SAMD5: variants seen among roughly 807,000 people sequenced by gnomAD.
SAMD5 encodes sterile alpha motif domain-containing protein 5.
SAMD5 carries 13 observed loss-of-function variants against 11.3 expected under a neutral mutation model. The ratio of observed to expected loss-of-function variants is 1.15; its 90% CI spans 0.75 to 1.83. The LOEUF (loss-of-function observed/expected upper bound fraction) is 1.83, where lower values mean the gene tolerates loss of function less well. Among genes scored for constraint, SAMD5 ranks in the 40% most tolerant of loss-of-function variants. The pLI, the probability that SAMD5 is intolerant of heterozygous loss-of-function variation, is 0.00. For missense variants in SAMD5, 255 were observed against 239.1 expected (o/e 1.07, Z -0.44); for synonymous variants, 129 against 111.3 (o/e 1.16, Z -1.00).
At chr6:147,623,536 C>G (rs1790003524) in intron 1 of SAMD5, among the ~76,000 whole-genome samples, 1 of 152,196 alleles carries the variant, frequency 6.6e-6, no homozygotes. Flanking sequence ...ACTGAGTAAT[C>G]TGATATTATC....
chr6:147,932,066 T>G, the SAMD5 span, among the ~76,000 whole-genome samples: 2 of 152,228 alleles, frequency 1.3e-5, no homozygotes, highest in Admixed American at 6.5e-5. Flanking sequence ...TATAATAGCA[T>G]TAAATTAGTC....
the SAMD5 span, among the ~76,000 whole-genome samples, chr6:147,793,591 G>C: frequency 5.5e-3 from 838 of 152,126 alleles, 13 homozygotes; most frequent in African/African-American, 0.019. Flanking sequence ...CAAACAACTG[G>C]GTATTATTTT....
the SAMD5 span, among the ~76,000 whole-genome samples, chr6:147,822,952 T>A: frequency 1.3e-5 from 2 of 151,722 alleles, 1 homozygote; most frequent in South Asian, 4.2e-4. Flanking sequence ...GAAGCTGGGA[T>A]TACAGGTGCC....
intron 1 of SAMD5, among the ~76,000 whole-genome samples, chr6:147,604,511 T>C (rs1212760395): frequency 6.6e-6 from 1 of 152,156 alleles, no homozygotes; most frequent in Non-Finnish European, 1.5e-5. Context: ...GTTGGCAGAA[T>C]TGGGGAGTTT....
the SAMD5 span, among the ~76,000 whole-genome samples, chr6:147,773,571 G>A: frequency 2.0e-5 from 3 of 152,204 alleles, no homozygotes; most frequent in Non-Finnish European, 2.9e-5. Flanking sequence ...CCTGCTTCCT[G>A]ATATGCAGAT....
At chr6:147,777,136 T>C in the SAMD5 span, among the ~76,000 whole-genome samples, 1 of 152,104 alleles carries the variant, frequency 6.6e-6, no homozygotes, top group African/African-American at 2.4e-5. Flanking sequence ...ATGGTGTCTG[T>C]GCTAAGTATT....
At chr6:147,810,997 C>T in the SAMD5 span, among the ~76,000 whole-genome samples, 24 of 152,138 alleles carry the variant, frequency 1.6e-4, no homozygotes, top group Non-Finnish European at 3.2e-4. Context: ...GAAGAAATGA[C>T]AAGGTGCTAT....
rs1789098156 is a variant in SAMD5, at chr6:147,569,296, T to TTTTTTTTTTTTTTTTTTTTTTTTTTG, written c.*4840_*4841insTTTTTTTTTTTTTTTTTTTTTTTTTG. Reference sequence around the variant, plus strand: ...TCTACTTATGAAATAGATAATTTTTTAAAATTGTTTAAACTCCTGGAAATT... The same window carrying TTTTTTTTTTTTTTTTTTTTTTTTTTG: ...TCTACTTATGAAATAGATAATTTTTTTTTTTTTTTTTTTTTTTTTTTTTTTGAAAATTGTTTAAACTCCTGGAAATT... On this transcript the variant is annotated 3_prime_UTR_variant, in exon 2 of 2. Coordinates refer to ENST00000367474, the MANE Select transcript of SAMD5 (RefSeq NM_001030060.3). The TTTTTTTTTTTTTTTTTTTTTTTTTTG allele has an allele frequency of 2.3e-6, 1 of 437,004 alleles. No individual in the cohort carries two copies. The highest frequency in any genetic ancestry group is 2.1e-5 in the African/African-American group (1 of 46,850). 27.1% of individuals were successfully genotyped at this position (437,004 alleles called of 1,614,324 possible). A position where few individuals can be genotyped will look rare whatever the true frequency, so the allele number is the denominator to read the frequency against.
rs376041894 is a variant in SAMD5 at position 147,509,308 on chromosome 6, A to C, written c.380A>C (p.Lys127Thr). Residue 127 changes from lysine (K) to threonine (T), a missense_variant, in exon 1 of 2, where the codon AAA becomes ACA. Lys to Thr is a moderately conservative substitution (Grantham distance 78). Transcript: ENST00000367474. ...PRSRELVSYP[K>T]LKLKIMIRDK... Reference sequence around the variant, plus strand: ...AGCAGGGAGCTGGTGAGCTACCCCAAACTGAAGCTGAAGATCATGATCAGG... The same window carrying C: ...AGCAGGGAGCTGGTGAGCTACCCCACACTGAAGCTGAAGATCATGATCAGG... The C allele has an allele frequency of 1.9e-6, 3 of 1,579,164 alleles. No homozygotes were observed. Among genetic ancestry groups the C allele is most frequent in the Admixed American group, 3.6e-5 (2 of 55,808 alleles).
downstream of SAMD5, among the ~76,000 whole-genome samples, chr6:147,574,367 A>G (rs968359770): frequency 6.6e-6 from 1 of 152,172 alleles, no homozygotes; most frequent in Non-Finnish European, 1.5e-5. Flanking sequence ...AGAAAGTTAG[A>G]ATTGGAATCT....
At chr6:147,660,874 T>C (rs1204680580) in intron 1 of SAMD5, 1 of 152,220 alleles carries the variant, frequency 6.6e-6, no homozygotes, top group Non-Finnish European at 1.5e-5. Context: ...GATAGTTCTA[T>C]ATAGCAGTGC....
At chr6:147,878,370 A>C in the SAMD5 span, among the ~76,000 whole-genome samples, 4 of 151,696 alleles carry the variant, frequency 2.6e-5, no homozygotes, top group Non-Finnish European at 4.4e-5. Context: ...TTACCCCTCT[A>C]ATCCCATTCA....
the SAMD5 span, among the ~76,000 whole-genome samples, chr6:147,801,886 CTA>C: frequency 3.9e-5 from 6 of 152,122 alleles, no homozygotes; most frequent in Non-Finnish European, 8.8e-5. Flanking sequence ...ACCTTGACCC[CTA>C]TTTCACACTG....
intron 1 of SAMD5, among the ~76,000 whole-genome samples, chr6:147,686,631 A>G (rs1333617574): frequency 1.3e-5 from 2 of 151,302 alleles, no homozygotes; most frequent in South Asian, 2.1e-4. Flanking sequence ...TTATTGGTAT[A>G]TTTTTCTATG....
At chr6:147,542,059 G>C (rs527254306) in intron 1 of SAMD5, among the ~76,000 whole-genome samples, 2 of 152,324 alleles carry the variant, frequency 1.3e-5, no homozygotes, top group Non-Finnish European at 2.9e-5. Context: ...CCGCAATGGG[G>C]CTACAGAAAG....
intron 1 of SAMD5, among the ~76,000 whole-genome samples, chr6:147,636,647 A>T (rs578037132): frequency 6.6e-6 from 1 of 152,186 alleles, no homozygotes; most frequent in African/African-American, 2.4e-5. Flanking sequence ...GTGCTGCCCA[A>T]TGGTTAGGCA....
chr6:147,779,900 C>CCTAT, the SAMD5 span, among the ~76,000 whole-genome samples: 1 of 152,094 alleles, frequency 6.6e-6, no homozygotes, highest in Non-Finnish European at 1.5e-5. Context: ...ATAGAGTAGG[C>CCTAT]CTATAGTCCT....
chr6:147,836,660 G>A, the SAMD5 span, among the ~76,000 whole-genome samples: 4 of 152,122 alleles, frequency 2.6e-5, no homozygotes, highest in Non-Finnish European at 5.9e-5. Flanking sequence ...AATTACTTCT[G>A]TACCATAGTA....
intron 1 of SAMD5, among the ~76,000 whole-genome samples, chr6:147,531,550 G>C (rs1788430302): frequency 6.6e-6 from 1 of 152,226 alleles, no homozygotes. Context: ...GCTCTGAATG[G>C]AATGCTCACT....
Sources: allele counts gnomAD v4.1 joint callset (sites outside exome capture counted in the v4.1 genomes callset), GRCh38; gene constraint gnomAD v4.1.1; transcripts MANE v1.5; gene names NCBI Gene and HGNC (gene_info 2026-07-23, HGNC 2026-07-21).